Variants in CAMTA1 observed in about 807,000 individuals in gnomAD.
CAMTA1 encodes calmodulin binding transcription activator 1.
Under a neutral mutation model 170.9 loss-of-function variants are expected in CAMTA1, and 27 were observed. The observed-to-expected ratio is 0.16, with a 90% CI of 0.12 to 0.22. The LOEUF is 0.22. CAMTA1 is among the 10% of genes least tolerant of loss of function. CAMTA1 has a pLI of 1.00. For synonymous variants in CAMTA1, 833 were observed against 891.5 expected (o/e 0.93, Z 1.17); for missense variants, 1,619 against 2,217.2 (o/e 0.73, Z 5.42).
At chr1:6,981,431 ATTATT>A (rs1278495553) in intron 3 of CAMTA1, among the ~76,000 whole-genome samples, 1 of 152,062 alleles carries the variant, frequency 6.6e-6, no homozygotes, top group East Asian at 1.9e-4. Context: ...AATTCTCATT[ATTATT>A]TTATTTATTT....
chr1:7,253,162 A>T (rs766280414), intron 5 of CAMTA1, among the ~76,000 whole-genome samples: 14 of 152,168 alleles, frequency 9.2e-5, no homozygotes, highest in Non-Finnish European at 1.6e-4. Flanking sequence ...TTGGCCCTGC[A>T]CCCCATACAG....
chr1:6,916,700 T>C (rs893898892), intron 3 of CAMTA1, among the ~76,000 whole-genome samples: 6 of 152,162 alleles, frequency 3.9e-5, no homozygotes, highest in Non-Finnish European at 7.4e-5. Flanking sequence ...GAACTGGTTG[T>C]GGTCCTGGGC....
intron 3 of CAMTA1, among the ~76,000 whole-genome samples, chr1:6,920,698 C>G (rs1303655562): frequency 1.2e-4 from 18 of 152,214 alleles, no homozygotes; most frequent in Admixed American, 1.1e-3. Context: ...TCCCATACCT[C>G]AATTCTTGAC....
intron 3 of CAMTA1, among the ~76,000 whole-genome samples, chr1:6,842,597 T>C (rs576108422): frequency 6.6e-6 from 1 of 152,336 alleles, no homozygotes; most frequent in East Asian, 1.9e-4. Flanking sequence ...AAAAGAAGTC[T>C]TCACTGTGCT....
At chr1:6,907,308 T>G (rs1678723135) in intron 3 of CAMTA1, among the ~76,000 whole-genome samples, 1 of 152,130 alleles carries the variant, frequency 6.6e-6, no homozygotes, top group Non-Finnish European at 1.5e-5. Flanking sequence ...CTCTAGGAAC[T>G]TTGTTGTAAG....
intron 3 of CAMTA1, among the ~76,000 whole-genome samples, chr1:7,082,679 A>T (rs570459358): frequency 1.1e-4 from 17 of 152,196 alleles, no homozygotes; most frequent in African/African-American, 3.9e-4. Flanking sequence ...ATTTCCCTGA[A>T]CACATTTGCT....
chr1:7,451,233 TG>T (rs2092817633), intron 5 of CAMTA1, among the ~76,000 whole-genome samples: 1 of 152,196 alleles, frequency 6.6e-6, no homozygotes, highest in Non-Finnish European at 1.5e-5. Flanking sequence ...CACTTCTTGC[TG>T]GGGAGCTGCT....
chr1:7,634,896 G>A lies in CAMTA1; in HGVS notation c.511-5504G>A, dbSNP rs540644728. ...CCCTGCTCCCTGCAGCAGCCCCAGTGAGAAAGAGGCGCAGCTTCCATGCTT... is the reference window on the plus strand; with the variant it reads ...CCCTGCTCCCTGCAGCAGCCCCAGTAAGAAAGAGGCGCAGCTTCCATGCTT... On this transcript the variant is annotated intron_variant, in intron 6 of 22. Coordinates refer to ENST00000303635, the MANE Select transcript of CAMTA1 (RefSeq NM_015215.4). This position sits in a 1 kb window ranked among gnomAD's most constrained non-coding sequence, Gnocchi z 6.2. Among the ~76,000 whole-genome samples the A allele has an allele frequency of 1.2e-4, 19 of 152,306 alleles. No individual in the cohort carries two copies. In the South Asian group the frequency reaches 3.9e-3, roughly 32 times the overall value.
intron 4 of CAMTA1, among the ~76,000 whole-genome samples, chr1:7,230,971 C>T (rs117340665): frequency 8.7e-4 from 132 of 152,058 alleles, no homozygotes; most frequent in Admixed American, 2.7e-3. Context: ...CAGAGGGACC[C>T]CCCAGGAGCC....
At chr1:7,337,227 G>A (rs995196570) in intron 5 of CAMTA1, among the ~76,000 whole-genome samples, 2 of 152,058 alleles carry the variant, frequency 1.3e-5, no homozygotes, top group African/African-American at 4.8e-5. Context: ...CGGGGACTAA[G>A]GACCTGTGTC....
chr1:7,000,396 C>T lies in CAMTA1; in HGVS notation c.235-90908C>T, dbSNP rs146693569. On this transcript the variant is annotated intron_variant, in intron 3 of 22. Coordinates refer to ENST00000303635, the MANE Select transcript of CAMTA1 (RefSeq NM_015215.4). ...CCACTGTCTTGCTAGCTACCTTTGTCTTTTGAAGGCCACAGGGCAGGGGAG... is the reference window on the plus strand; with the variant it reads ...CCACTGTCTTGCTAGCTACCTTTGTTTTTTGAAGGCCACAGGGCAGGGGAG... Among the ~76,000 whole-genome samples, 12 of 152,340 alleles carry T rather than the reference C, an allele frequency of 7.9e-5. No homozygotes were observed. In the East Asian group the frequency reaches 2.1e-3, roughly 27 times the overall value.
chr1:6,908,802 G>A (rs1419958034), intron 3 of CAMTA1, among the ~76,000 whole-genome samples: 1 of 152,214 alleles, frequency 6.6e-6, no homozygotes, highest in East Asian at 1.9e-4. Flanking sequence ...CAGCTGCTCA[G>A]TGGGACAGCC....
At chr1:6,866,635 G>A (rs1666660777) in intron 3 of CAMTA1, among the ~76,000 whole-genome samples, 1 of 152,022 alleles carries the variant, frequency 6.6e-6, no homozygotes, top group Non-Finnish European at 1.5e-5. Flanking sequence ...CAGGCCAATC[G>A]GAAGAAAAAA....
At chr1:6,982,513 G>A (rs1165694031) in intron 3 of CAMTA1, among the ~76,000 whole-genome samples, 2 of 152,176 alleles carry the variant, frequency 1.3e-5, no homozygotes, top group African/African-American at 4.8e-5. Context: ...CCTTATGGGG[G>A]TGGGTGGCAC....
chr1:7,651,800 T>A (rs1385848548), intron 7 of CAMTA1, among the ~76,000 whole-genome samples: 3 of 152,254 alleles, frequency 2.0e-5, no homozygotes, highest in Non-Finnish European at 4.4e-5. Flanking sequence ...ACACAGTGCA[T>A]GAGGGAAACA....
chr1:7,513,698 G>GTA (rs1365946083), intron 6 of CAMTA1, among the ~76,000 whole-genome samples: 1 of 152,172 alleles, frequency 6.6e-6, no homozygotes, highest in African/African-American at 2.4e-5. Context: ...CGAGATGGGA[G>GTA]TATCACCTGA....
chr1:7,531,801 C>T (rs1023391253), intron 6 of CAMTA1, among the ~76,000 whole-genome samples: 2 of 152,202 alleles, frequency 1.3e-5, no homozygotes, highest in Non-Finnish European at 2.9e-5. Flanking sequence ...GTCCACAGAG[C>T]GGCTGAGACT....
At chr1:7,503,808 G>A (rs1041299558) in intron 6 of CAMTA1, among the ~76,000 whole-genome samples, 1 of 152,192 alleles carries the variant, frequency 6.6e-6, no homozygotes, top group Admixed American at 6.5e-5. Context: ...CTCGGATGCT[G>A]TGCCCACCAC....
At chr1:7,085,154 CG>C (rs1640571245) in intron 3 of CAMTA1, among the ~76,000 whole-genome samples, 1 of 152,182 alleles carries the variant, frequency 6.6e-6, no homozygotes, top group Non-Finnish European at 1.5e-5. Flanking sequence ...AAATGACACA[CG>C]TGCCTTGTGT....
Sources: gnomAD v4.1 joint callset for allele counts (sites outside exome capture counted in the v4.1 genomes callset) on GRCh38, gnomAD v4.1.1 for gene constraint, Gnocchi (gnomAD v3.1) non-coding constraint, MANE v1.5 for transcripts, NCBI Gene and HGNC (gene_info 2026-07-23, HGNC 2026-07-21) for gene names.